IGSF11: variants seen among roughly 807,000 people sequenced by gnomAD.
IGSF11 encodes CXADR like 1.
Under a neutral mutation model 41.0 loss-of-function variants are expected in IGSF11, and 22 were observed. The observed-to-expected ratio is 0.54, with a 90% CI of 0.38 to 0.77. The LOEUF (loss-of-function observed/expected upper bound fraction) is 0.77, where lower values mean the gene tolerates loss of function less well. IGSF11 is among the 30% of genes least tolerant of loss of function. The pLI, the probability that IGSF11 is intolerant of heterozygous loss-of-function variation, is 0.00. For synonymous variants in IGSF11, 219 were observed against 201.3 expected, an observed-to-expected ratio of 1.09 and a Z score of -0.74; for missense variants, 444 against 530.8, an observed-to-expected ratio of 0.84 and a Z score of 1.61.
chr3:119,028,755 C>A (rs1265161980), intron 1 of IGSF11, among the ~76,000 whole-genome samples: 1 of 151,340 alleles, frequency 6.6e-6, no homozygotes, highest in African/African-American at 2.4e-5. Flanking sequence ...AAAATATTTA[C>A]CAAGGTGTAA....
intron 3 of IGSF11, 98 bp from the exon 4 acceptor site, chr3:118,926,354 A>T (rs16829163): frequency 0.17 from 171,526 of 1,003,394 alleles, 20,238 homozygotes; most frequent in African/African-American, 0.51. Flanking sequence ...CCCTTAGATT[A>T]CACTGTTTTG....
chr3:118,935,627 C>T (rs1312889368), intron 1 of IGSF11, among the ~76,000 whole-genome samples: 2 of 151,674 alleles, frequency 1.3e-5, no homozygotes, highest in African/African-American at 4.8e-5. Context: ...TAAATTAGGG[C>T]TGCGGTACAC....
chr3:119,028,404 G>A (rs868317784), intron 1 of IGSF11, among the ~76,000 whole-genome samples: 5 of 152,124 alleles, frequency 3.3e-5, no homozygotes, highest in Middle Eastern at 3.4e-3. Flanking sequence ...GGAAAAAGAG[G>A]GAGGCCTCAG....
chr3:119,032,824 C>T (rs2107737095), intron 1 of IGSF11, among the ~76,000 whole-genome samples: 1 of 152,338 alleles, frequency 6.6e-6, no homozygotes, highest in South Asian at 2.1e-4. Context: ...AAAATGCAAA[C>T]TCCTTACGGG....
At chr3:118,948,539 G>C (rs958421911) in intron 1 of IGSF11, among the ~76,000 whole-genome samples, 1 of 152,172 alleles carries the variant, frequency 6.6e-6, no homozygotes, top group African/African-American at 2.4e-5. Context: ...CTGGTAAACA[G>C]GGTGGTAATA....
chr3:119,040,672 A>C (rs1941085552), intron 1 of IGSF11, among the ~76,000 whole-genome samples: 1 of 152,254 alleles, frequency 6.6e-6, no homozygotes, highest in Non-Finnish European at 1.5e-5. Context: ...CTACAAGGAC[A>C]GGAACTCTAT....
At chr3:118,982,276 C>A (rs1036034322) in intron 1 of IGSF11, among the ~76,000 whole-genome samples, 3 of 152,160 alleles carry the variant, frequency 2.0e-5, no homozygotes, top group Non-Finnish European at 4.4e-5. Context: ...AGAGAGAGAC[C>A]ACAATACCAA....
chr3:118,987,286 G>C (rs1248259671), intron 1 of IGSF11, among the ~76,000 whole-genome samples: 2 of 152,232 alleles, frequency 1.3e-5, no homozygotes, highest in Non-Finnish European at 2.9e-5. Context: ...GTTCATCCCA[G>C]AGGATGAGAA....
chr3:118,925,716 A>G (rs1942230729), intron 4 of IGSF11, among the ~76,000 whole-genome samples: 1 of 152,068 alleles, frequency 6.6e-6, no homozygotes, highest in African/African-American at 2.4e-5. Flanking sequence ...AGGAGGATCA[A>G]CCCTCCTGAC....
At chr3:119,038,518 AT>A (rs1940996426), upstream of IGSF11, among the ~76,000 whole-genome samples, 1 of 152,090 alleles carries the variant, frequency 6.6e-6, no homozygotes, top group African/African-American at 2.4e-5. Context: ...GCCCTAATTT[AT>A]TTTTGGGTAA....
intron 1 of IGSF11, among the ~76,000 whole-genome samples, chr3:118,995,418 A>G (rs1346976660): frequency 6.6e-6 from 1 of 152,188 alleles, no homozygotes; most frequent in Non-Finnish European, 1.5e-5. Flanking sequence ...GATGGTGTGG[A>G]AATTTTTGAA....
intron 1 of IGSF11, among the ~76,000 whole-genome samples, chr3:118,958,883 G>T (rs1327832702): frequency 2.0e-5 from 3 of 152,154 alleles, no homozygotes; most frequent in African/African-American, 7.2e-5. Flanking sequence ...ATTGAGTTAG[G>T]AACCGTGGAG....
intron 1 of IGSF11, among the ~76,000 whole-genome samples, chr3:119,007,165 G>T (rs2107685636): frequency 2.1e-5 from 3 of 143,214 alleles, no homozygotes; most frequent in South Asian, 2.4e-4. Flanking sequence ...ATAGTCTCGT[G>T]GTGCGCCGTT....
intron 1 of IGSF11, among the ~76,000 whole-genome samples, chr3:119,112,449 A>C (rs547411772): frequency 1.3e-5 from 2 of 152,248 alleles, no homozygotes; most frequent in Admixed American, 6.5e-5. Context: ...CTGTTGGAAA[A>C]GCGCAGTATT....
intron 1 of IGSF11, among the ~76,000 whole-genome samples, chr3:119,127,690 A>C (rs1238574987): frequency 6.6e-6 from 1 of 152,230 alleles, no homozygotes; most frequent in African/African-American, 2.4e-5. Context: ...AGCCCATCAG[A>C]CTAACAGCAG....
At chr3:119,078,659 A>G (rs888760197) in intron 1 of IGSF11, among the ~76,000 whole-genome samples, 1 of 152,212 alleles carries the variant, frequency 6.6e-6, no homozygotes, top group African/African-American at 2.4e-5. Flanking sequence ...GGCCCTGGCA[A>G]AGATTTCATG....
At chr3:119,028,454 T>C (rs1940038338) in intron 1 of IGSF11, among the ~76,000 whole-genome samples, 1 of 152,194 alleles carries the variant, frequency 6.6e-6, no homozygotes, top group Non-Finnish European at 1.5e-5. Flanking sequence ...TCTCTCTTCT[T>C]GGGAGACTAG....
intron 1 of IGSF11, among the ~76,000 whole-genome samples, chr3:119,032,468 A>G (rs960870381): frequency 3.3e-5 from 5 of 152,180 alleles, no homozygotes; most frequent in Non-Finnish European, 7.3e-5. Flanking sequence ...TACTTTTTCC[A>G]TGGCCAGCCG....
chr3:119,072,820 G>C (rs1036420388), intron 1 of IGSF11, among the ~76,000 whole-genome samples: 2 of 152,140 alleles, frequency 1.3e-5, no homozygotes, highest in African/African-American at 4.8e-5. Flanking sequence ...AAGGGGACCC[G>C]AGCAGGTTGC....
Sources: allele counts gnomAD v4.1 joint callset (sites outside exome capture counted in the v4.1 genomes callset), GRCh38; gene constraint gnomAD v4.1.1; transcripts MANE v1.5; gene names NCBI Gene and HGNC (gene_info 2026-07-23, HGNC 2026-07-21).